The following KCNIP4 variants were observed in gnomAD, a reference collection of about 807,000 sequenced individuals.
KCNIP4 encodes Kv channel-interacting protein 4.
In KCNIP4, 12 loss-of-function variants were observed where a neutral mutation model predicts 34.0. The ratio of observed to expected loss-of-function variants is 0.35; its 90% CI spans 0.23 to 0.57. The LOEUF (loss-of-function observed/expected upper bound fraction) is 0.57. Among genes scored for constraint, KCNIP4 ranks in the 20% least tolerant of loss-of-function variants. KCNIP4 has a pLI of 0.83. For missense variants in KCNIP4, 238 were observed against 311.7 expected, an observed-to-expected ratio of 0.76 and a Z score of 1.78; for synonymous variants, 124 against 102.2, an observed-to-expected ratio of 1.21 and a Z score of -1.29.
intron 3 of KCNIP4, among the ~76,000 whole-genome samples, chr4:20,771,062 G>A (rs1755832427): frequency 6.6e-6 from 1 of 152,106 alleles, no homozygotes; most frequent in Admixed American, 6.5e-5. Context: ...GGATGTATAG[G>A]TTATATGTAA....
chr4:21,883,948 G>C (rs1295336633), intron 1 of KCNIP4, among the ~76,000 whole-genome samples: 1 of 152,082 alleles, frequency 6.6e-6, no homozygotes, highest in African/African-American at 2.4e-5. Flanking sequence ...TATTTCTGTT[G>C]TTAGAAATAT....
chr4:21,350,727 C>T (rs573769049), intron 1 of KCNIP4, among the ~76,000 whole-genome samples: 33 of 152,292 alleles, frequency 2.2e-4, no homozygotes, highest in African/African-American at 7.7e-4. Context: ...GGCAACACCA[C>T]CCATCATCAA....
Position 21,374,875 on chromosome 4 carries a change from C to G in KCNIP4, c.62-492166G>C, listed in dbSNP as rs780037309. Among the ~76,000 whole-genome samples, 12 of 147,464 alleles carry G rather than the reference C, an allele frequency of 8.1e-5. 1 individual carries two copies. Among genetic ancestry groups the G allele is most frequent in the Admixed American group, 1.3e-4 (2 of 15,202 alleles). On this transcript the variant is annotated intron_variant, in intron 1 of 8. Coordinates refer to ENST00000382152, the MANE Select transcript of KCNIP4 (RefSeq NM_025221.6). ...GAGAGCCTCAGGCATGCTCCCCATT[C>G]CTGTGCAGAGGGCACAGCCATGGAA...
chr4:21,675,099 G>A (rs1331643055), intron 1 of KCNIP4, among the ~76,000 whole-genome samples: 1 of 152,190 alleles, frequency 6.6e-6, no homozygotes, highest in East Asian at 1.9e-4. Flanking sequence ...ATACACAGTG[G>A]AGTACTATCT....
chr4:21,405,798 T>A (rs1171889150), intron 1 of KCNIP4, among the ~76,000 whole-genome samples: 1 of 152,188 alleles, frequency 6.6e-6, no homozygotes, highest in East Asian at 1.9e-4. Context: ...GGGGTCTCAG[T>A]CCATCACAGC....
At chr4:21,532,082 C>T (rs1736728677) in intron 1 of KCNIP4, among the ~76,000 whole-genome samples, 1 of 151,946 alleles carries the variant, frequency 6.6e-6, no homozygotes, top group South Asian at 2.1e-4. Context: ...TCTGATGTGT[C>T]AGTATACTTT....
chr4:20,945,265 G>T, intron 1 of KCNIP4, among the ~76,000 whole-genome samples: 1 of 152,276 alleles, frequency 6.6e-6, no homozygotes. Flanking sequence ...CAAAGTACTG[G>T]TTTGGAGGTC....
intron 1 of KCNIP4, among the ~76,000 whole-genome samples, chr4:21,793,700 A>G (rs368516277): frequency 6.6e-6 from 1 of 152,244 alleles, no homozygotes; most frequent in South Asian, 2.1e-4. Context: ...ATTTAATCAT[A>G]CAAAATCTGC....
chr4:21,755,314 T>C (rs1655965561), intron 1 of KCNIP4, among the ~76,000 whole-genome samples: 1 of 152,198 alleles, frequency 6.6e-6, no homozygotes, highest in African/African-American at 2.4e-5. Flanking sequence ...AGATAATAAA[T>C]GTAACGTTTC....
At chr4:21,694,523 A>T (rs536001234) in intron 1 of KCNIP4, among the ~76,000 whole-genome samples, 3 of 152,146 alleles carry the variant, frequency 2.0e-5, no homozygotes, top group Admixed American at 2.0e-4. Flanking sequence ...ATGATAAAAA[A>T]TATGTAGGAA....
intron 1 of KCNIP4, among the ~76,000 whole-genome samples, chr4:21,903,653 T>C (rs1478722529): frequency 1.3e-5 from 2 of 152,156 alleles, no homozygotes; most frequent in African/African-American, 2.4e-5. Context: ...GAGTAAATTA[T>C]AGAAATCTTA....
At chr4:21,554,217 C>T (rs1247084294) in intron 1 of KCNIP4, among the ~76,000 whole-genome samples, 1 of 151,960 alleles carries the variant, frequency 6.6e-6, no homozygotes, top group Non-Finnish European at 1.5e-5. Flanking sequence ...GTGTTAGAGG[C>T]AGAAGGAGCA....
chr4:21,713,903 A>G (rs545853085), intron 1 of KCNIP4, among the ~76,000 whole-genome samples: 26 of 152,240 alleles, frequency 1.7e-4, no homozygotes, highest in Non-Finnish European at 2.9e-4. Flanking sequence ...TTAGACTTCA[A>G]TCACTCAAAA....
At chr4:21,521,928 A>G (rs1735563486) in intron 1 of KCNIP4, among the ~76,000 whole-genome samples, 1 of 152,126 alleles carries the variant, frequency 6.6e-6, no homozygotes, top group African/African-American at 2.4e-5. Flanking sequence ...GTAATAAAAA[A>G]AAAAAAGCTC....
intron 3 of KCNIP4, among the ~76,000 whole-genome samples, chr4:20,831,327 T>C (rs1313716870): frequency 2.0e-5 from 3 of 152,204 alleles, no homozygotes; most frequent in Non-Finnish European, 4.4e-5. Context: ...GTGTCAGAGC[T>C]GGGATTGCAA....
At chr4:20,730,276 G>T in intron 8 of KCNIP4, 147 bp from the exon 9 acceptor site, 1 of 1,021,098 alleles carries the variant, frequency 9.8e-7, no homozygotes, top group Non-Finnish European at 1.3e-6. Context: ...AAATGTAAAT[G>T]CCATTCTATT....
intron 1 of KCNIP4, among the ~76,000 whole-genome samples, chr4:21,648,912 C>CATATATATATATG (rs1214106291): frequency 6.6e-6 from 1 of 152,136 alleles, no homozygotes; most frequent in Non-Finnish European, 1.5e-5. Flanking sequence ...ATGATATATA[C>CATATATATATATG]TCCTGTCCCT....
chr4:21,694,914 CAAAAAAA>C (rs368053041), intron 1 of KCNIP4, among the ~76,000 whole-genome samples: 2 of 46,512 alleles, frequency 4.3e-5, no homozygotes, highest in African/African-American at 1.3e-4. Flanking sequence ...CACGATTGAC[CAAAAAAA>C]AAAAAAAAAT....
chr4:21,252,462 G>T (rs963513873), intron 1 of KCNIP4, among the ~76,000 whole-genome samples: 5 of 151,964 alleles, frequency 3.3e-5, no homozygotes, highest in African/African-American at 9.7e-5. Flanking sequence ...CCTGCTTGAG[G>T]TAGATTTATG....
Sources: gnomAD v4.1 joint callset for allele counts (sites outside exome capture counted in the v4.1 genomes callset) on GRCh38, gnomAD v4.1.1 for gene constraint, MANE v1.5 for transcripts, NCBI Gene and HGNC (gene_info 2026-07-23, HGNC 2026-07-21) for gene names.